WDFY3: variants seen among roughly 807,000 people sequenced by gnomAD.
The protein encoded by WDFY3 is WD repeat and FYVE domain-containing protein 3.
In WDFY3, 66 loss-of-function variants were observed where a neutral mutation model predicts 409.6. The ratio of observed to expected loss-of-function variants is 0.16; its 90% confidence interval spans 0.13 to 0.20. The LOEUF is 0.20. WDFY3 is among the 10% of genes least tolerant of loss of function. The pLI is 1.00. For missense variants in WDFY3, 3,031 were observed against 4,298.1 expected (o/e 0.71, Z 8.24); for synonymous variants, 1,521 against 1,537.1 (o/e 0.99, Z 0.25).
intron 1 of WDFY3, among the ~76,000 whole-genome samples, chr4:84,958,421 GT>G (rs888868747): frequency 6.6e-6 from 1 of 151,776 alleles, no homozygotes; most frequent in African/African-American, 2.4e-5. Context: ...AAAATCAGAA[GT>G]TTTTTTTTAA....
intron 32 of WDFY3, 48 bp downstream of exon 32, chr4:84,765,762 A>G (rs1359117643): frequency 3.9e-6 from 6 of 1,547,010 alleles, no homozygotes; most frequent in Middle Eastern, 1.7e-4. Flanking sequence ...AAAATAAAAC[A>G]AAACACACCA....
chr4:84,817,487 G>A lies in WDFY3; in HGVS notation c.1792C>T (p.Leu598Phe), dbSNP rs754481496. The A allele has an allele frequency of 5.4e-5, 87 of 1,613,708 alleles. No homozygotes were observed. Among genetic ancestry groups the A allele is most frequent in the Non-Finnish European group, 7.2e-5 (85 of 1,179,830 alleles). The change falls in exon 13 of 68, where the codon CTC (leucine) becomes TTC (phenylalanine). Residue 598 changes from leucine (L) to phenylalanine (F), a missense_variant. By Grantham distance (22) the Leu-to-Phe change is conservative. Transcript: ENST00000295888. ...HALMTIQQLVLSPNGDDDMGT... is the reference protein window; with the variant it reads ...HALMTIQQLVFSPNGDDDMGT... ...ATGTCATCGTCCCCATTTGGGGAGA[G>A]CACCAGCTGTTGGATAGTCATCAAG...
chr4:84,710,897 T>G lies in WDFY3; in HGVS notation c.8043-1550A>C, dbSNP rs891613273. 2.6e-5 allele frequency among the ~76,000 whole-genome samples: 4 copies of G among 152,312 alleles called. No homozygotes were observed. In the East Asian group the frequency reaches 7.7e-4, roughly 29 times the overall value. ...TTATGTTAACAACAACACATATGAT[T>G]AGGAGCAGAACATGTTTCTGGGGTT... On this transcript the variant is annotated intron_variant, in intron 51 of 67. Transcript: ENST00000295888.
intron 2 of WDFY3, among the ~76,000 whole-genome samples, chr4:84,925,234 G>A (rs376280892): frequency 6.6e-6 from 1 of 151,908 alleles, no homozygotes. Context: ...TACTCTATTA[G>A]CCTCAAAGAA....
At chr4:84,795,693 C>T (rs1235826958) in intron 19 of WDFY3, among the ~76,000 whole-genome samples, 3 of 151,090 alleles carry the variant, frequency 2.0e-5, no homozygotes, top group Admixed American at 6.6e-5. Flanking sequence ...ACCTGAGAGG[C>T]GGAGGTTGCA....
chr4:84,903,624 A>T (rs557478982), intron 2 of WDFY3, among the ~76,000 whole-genome samples: 1 of 152,134 alleles, frequency 6.6e-6, no homozygotes, highest in East Asian at 1.9e-4. Flanking sequence ...CCAGTCCTAT[A>T]ATACTGTTTT....
intron 7 of WDFY3, among the ~76,000 whole-genome samples, chr4:84,832,078 T>C (rs114907690): frequency 2.7e-4 from 41 of 152,260 alleles, no homozygotes; most frequent in Admixed American, 7.2e-4. Flanking sequence ...AGCCAAAATT[T>C]AGAATCAACC....
chr4:84,866,126 G>A (rs546140013), intron 3 of WDFY3, among the ~76,000 whole-genome samples: 262 of 152,212 alleles, frequency 1.7e-3, no homozygotes, highest in African/African-American at 6.0e-3. Flanking sequence ...GGGTTTACTG[G>A]TACTTCTCAA....
intron 24 of WDFY3, 21 bp downstream of exon 24, chr4:84,785,958 C>A (rs1407252621): frequency 1.9e-6 from 3 of 1,612,936 alleles, no homozygotes; most frequent in Non-Finnish European, 2.5e-6. Context: ...CCATAGTACA[C>A]CAAGAAATCA....
chr4:84,813,771 G>GT (rs1752863889), intron 13 of WDFY3, among the ~76,000 whole-genome samples: 1 of 152,020 alleles, frequency 6.6e-6, no homozygotes, highest in African/African-American at 2.4e-5. Flanking sequence ...GGAGAAAATG[G>GT]TATGTTAAAA....
At chr4:84,922,671 G>A (rs937872446) in intron 2 of WDFY3, among the ~76,000 whole-genome samples, 1 of 151,686 alleles carries the variant, frequency 6.6e-6, no homozygotes, top group African/African-American at 2.4e-5. Context: ...TTTTGCTGCT[G>A]TTTTTTGAGA....
chr4:84,849,816 T>A, intron 5 of WDFY3, 86 bp downstream of exon 5: 1 of 1,549,822 alleles, frequency 6.5e-7, no homozygotes. Context: ...GAACAAGGTC[T>A]GTTTTCCATT....
intron 13 of WDFY3, among the ~76,000 whole-genome samples, chr4:84,813,164 T>C (rs957598464): frequency 3.0e-4 from 45 of 152,110 alleles, no homozygotes; most frequent in Admixed American, 1.3e-4. Flanking sequence ...GTGGTATATG[T>C]CAGTTGAATG....
intron 1 of WDFY3, among the ~76,000 whole-genome samples, chr4:84,937,895 G>A (rs1426091724): frequency 6.6e-6 from 1 of 151,986 alleles, no homozygotes; most frequent in Non-Finnish European, 1.5e-5. Context: ...TTATCTGTGT[G>A]GGTTGGGGGT....
chr4:84,853,783 A>G (rs890217923), intron 4 of WDFY3, among the ~76,000 whole-genome samples: 1 of 152,182 alleles, frequency 6.6e-6, no homozygotes, highest in African/African-American at 2.4e-5. Flanking sequence ...GAATTTACCA[A>G]CCCAAAATCA....
At chr4:84,878,891 T>C (rs1010423298) in intron 3 of WDFY3, among the ~76,000 whole-genome samples, 9 of 152,196 alleles carry the variant, frequency 5.9e-5, no homozygotes, top group African/African-American at 2.2e-4. Flanking sequence ...TGTGTTTGCA[T>C]CCCCACCTGT....
At chr4:84,844,473 T>G (rs1757806454) in intron 5 of WDFY3, 2 of 1,289,636 alleles carry the variant, frequency 1.6e-6, no homozygotes. Flanking sequence ...TGTTGTGGCT[T>G]TGAAATCCTT....
intron 36 of WDFY3, among the ~76,000 whole-genome samples, chr4:84,744,090 T>C (rs1253917663): frequency 1.4e-5 from 2 of 147,958 alleles, no homozygotes; most frequent in Non-Finnish European, 1.5e-5. Context: ...TAGTTTATAT[T>C]ATATAATATA....
intron 1 of WDFY3, among the ~76,000 whole-genome samples, chr4:84,939,343 T>C (rs1771824558): frequency 6.6e-6 from 1 of 152,156 alleles, no homozygotes; most frequent in African/African-American, 2.4e-5. Context: ...CTGCCCCATA[T>C]TGTTGTTGGA....
Sources: allele counts gnomAD v4.1 joint callset (sites outside exome capture counted in the v4.1 genomes callset), GRCh38; gene constraint gnomAD v4.1.1; transcripts MANE v1.5; gene names NCBI Gene and HGNC (gene_info 2026-07-23, HGNC 2026-07-21).